The following ADAMTS6 variants were observed in gnomAD, a reference collection of about 807,000 sequenced individuals.
ADAMTS6 encodes the protein A disintegrin and metalloproteinase with thrombospondin motifs 6.
Under a neutral mutation model 144.3 loss-of-function variants are expected in ADAMTS6, and 23 were observed. That is an observed-to-expected ratio of 0.16 (90% confidence interval 0.11 to 0.23). The LOEUF (loss-of-function observed/expected upper bound fraction) is 0.23. Ranked by LOEUF, ADAMTS6 falls within the 10% of genes least tolerant of loss-of-function variation. The pLI is 1.00. For synonymous variants in ADAMTS6, 444 were observed against 457.5 expected (o/e 0.97, Z 0.38); for missense variants, 999 against 1,379.6 (o/e 0.72, Z 4.37).
At chr5:65,264,144 T>C (rs1050387031) in intron 12 of ADAMTS6, among the ~76,000 whole-genome samples, 3 of 152,184 alleles carry the variant, frequency 2.0e-5, no homozygotes, top group Admixed American at 2.0e-4. Context: ...TCTCCTAGAA[T>C]CTATTTTCCA....
chr5:65,468,428 C>A (rs1204487978), intron 3 of ADAMTS6, among the ~76,000 whole-genome samples: 1 of 145,694 alleles, frequency 6.9e-6, no homozygotes, highest in Non-Finnish European at 1.5e-5. Context: ...AAGAGTAAGA[C>A]CCTGTCTCAA....
At chr5:65,236,276 T>C (rs1758662379) in intron 15 of ADAMTS6, among the ~76,000 whole-genome samples, 1 of 152,152 alleles carries the variant, frequency 6.6e-6, no homozygotes, top group Non-Finnish European at 1.5e-5. Context: ...ACACAGAACA[T>C]TCACCAAGAA....
chr5:65,470,688 A>T, intron 3 of ADAMTS6, 90 bp downstream of exon 3: 5 of 1,044,040 alleles, frequency 4.8e-6, no homozygotes. Flanking sequence ...CTATATATAT[A>T]TATATTTTTT....
At chr5:65,409,098 G>A (rs1235625229) in intron 7 of ADAMTS6, among the ~76,000 whole-genome samples, 7 of 152,100 alleles carry the variant, frequency 4.6e-5, no homozygotes, top group Non-Finnish European at 8.8e-5. Context: ...AACTAGAGAA[G>A]CAAGAGCAAA....
chr5:65,302,232 AATT>A (rs1161240860), intron 9 of ADAMTS6, among the ~76,000 whole-genome samples: 2 of 144,588 alleles, frequency 1.4e-5, no homozygotes, highest in Non-Finnish European at 3.0e-5. Context: ...TTATACATAT[AATT>A]ATTATATACA....
chr5:65,233,953 T>C (rs1336500304), intron 15 of ADAMTS6, among the ~76,000 whole-genome samples: 1 of 151,728 alleles, frequency 6.6e-6, no homozygotes, highest in African/African-American at 2.4e-5. Context: ...GGGACAAATA[T>C]TAAGCCTGAA....
intron 15 of ADAMTS6, among the ~76,000 whole-genome samples, chr5:65,236,721 G>C (rs574874406): frequency 3.3e-5 from 5 of 152,052 alleles, no homozygotes; most frequent in Non-Finnish European, 7.4e-5. Flanking sequence ...AAATAAAATA[G>C]TTTGAACTAA....
chr5:65,465,831 C>T (rs1759950586), intron 3 of ADAMTS6, among the ~76,000 whole-genome samples: 1 of 152,156 alleles, frequency 6.6e-6, no homozygotes, highest in Admixed American at 6.5e-5. Flanking sequence ...TCTCTCTGAC[C>T]TCCCTGACCT....
intron 2 of ADAMTS6, among the ~76,000 whole-genome samples, chr5:65,471,566 C>G (rs115320122): frequency 6.6e-6 from 1 of 151,552 alleles, no homozygotes; most frequent in Non-Finnish European, 1.5e-5. Flanking sequence ...TTTAAGAAAT[C>G]ATCACACGGT....
intron 14 of ADAMTS6, among the ~76,000 whole-genome samples, chr5:65,250,463 G>GA (rs1304417616): frequency 2.0e-5 from 3 of 152,062 alleles, no homozygotes; most frequent in Non-Finnish European, 4.4e-5. Context: ...CATTGAAAAG[G>GA]AAAAAAATTG....
intron 7 of ADAMTS6, among the ~76,000 whole-genome samples, chr5:65,422,124 C>T (rs1756096976): frequency 6.6e-6 from 1 of 152,020 alleles, no homozygotes; most frequent in Non-Finnish European, 1.5e-5. Context: ...AAAAAAATCC[C>T]ATTAAAAGGT....
intron 20 of ADAMTS6, among the ~76,000 whole-genome samples, chr5:65,204,613 A>G (rs1376491446): frequency 6.6e-6 from 1 of 152,236 alleles, no homozygotes; most frequent in African/African-American, 2.4e-5. Context: ...ATGCAGTGAC[A>G]GACCATTGTC....
At chr5:65,291,265 C>T in intron 11 of ADAMTS6, 64 bp downstream of exon 11, 2 of 1,533,902 alleles carry the variant, frequency 1.3e-6, no homozygotes, top group Non-Finnish European at 1.8e-6. Context: ...GTAATTCCAT[C>T]TTAACATCTG....
At chr5:65,417,427 A>G (rs541091186) in intron 7 of ADAMTS6, among the ~76,000 whole-genome samples, 184 of 152,320 alleles carry the variant, frequency 1.2e-3, no homozygotes, top group African/African-American at 4.3e-3. Context: ...TAGCAAAAGA[A>G]GAAGGCAAAC....
chr5:65,317,337 C>A (rs990471267), intron 9 of ADAMTS6, among the ~76,000 whole-genome samples: 1 of 152,162 alleles, frequency 6.6e-6, no homozygotes, highest in African/African-American at 2.4e-5. Context: ...CCAGGCCCAA[C>A]AAGGGCAGAT....
chr5:65,201,018 T>A (rs189579713), intron 20 of ADAMTS6, among the ~76,000 whole-genome samples: 2 of 152,198 alleles, frequency 1.3e-5, no homozygotes, highest in African/African-American at 4.8e-5. Flanking sequence ...TATTTTCCCA[T>A]CAAAGGTTCT....
intron 11 of ADAMTS6, among the ~76,000 whole-genome samples, chr5:65,287,618 C>T (rs998135297): frequency 1.3e-5 from 2 of 152,158 alleles, no homozygotes; most frequent in Non-Finnish European, 2.9e-5. Flanking sequence ...GCAACCCCCG[C>T]CTCCTGGGTT....
At chr5:65,379,395 A>C (rs1007112645) in intron 7 of ADAMTS6, among the ~76,000 whole-genome samples, 31 of 152,194 alleles carry the variant, frequency 2.0e-4, no homozygotes, top group African/African-American at 7.2e-4. Context: ...ATATGTAAAC[A>C]CATACTGCCA....
At chr5:65,288,807 G>T (rs1034398118) in intron 11 of ADAMTS6, among the ~76,000 whole-genome samples, 4 of 152,080 alleles carry the variant, frequency 2.6e-5, no homozygotes, top group Admixed American at 6.5e-5. Context: ...CCTAAATCAG[G>T]GCTGGTTTGT....
Sources: gnomAD v4.1 joint callset for allele counts (sites outside exome capture counted in the v4.1 genomes callset) on GRCh38, gnomAD v4.1.1 for gene constraint, MANE v1.5 for transcripts, NCBI Gene and HGNC (gene_info 2026-07-23, HGNC 2026-07-21) for gene names.